ADAP2: variants seen among roughly 807,000 people sequenced by gnomAD.
The protein encoded by ADAP2 is arf-GAP with dual PH domain-containing protein 2.
Under a neutral mutation model 54.9 loss-of-function variants are expected in ADAP2, and 42 were observed. The observed-to-expected ratio is 0.77, with a 90% CI of 0.60 to 0.99. ADAP2 has a LOEUF of 0.99. ADAP2 is among the 50% of genes least tolerant of loss of function. The probability of loss-of-function intolerance (pLI) is 0.00; values close to 1 mark genes in which losing one functional copy is unlikely to be tolerated. For missense variants in ADAP2, 429 were observed against 480.4 expected (o/e 0.89, Z 1.00); for synonymous variants, 177 against 180.1 (o/e 0.98, Z 0.14).
chr17:30,957,703 T>C, intron 10 of ADAP2, 132 bp from the exon 11 acceptor site: 1 of 822,456 alleles, frequency 1.2e-6, no homozygotes, highest in Non-Finnish European at 2.0e-6. Flanking sequence ...AGTGCTGGGA[T>C]TACAGGCATG....
intron 7 of ADAP2, among the ~76,000 whole-genome samples, chr17:30,952,153 C>T (rs926737387): frequency 6.6e-6 from 1 of 152,078 alleles, no homozygotes; most frequent in Non-Finnish European, 1.5e-5. Flanking sequence ...CATCATCAAC[C>T]CCTGGAAACA....
At chr17:30,932,181 C>G (rs1911538891) in intron 4 of ADAP2, among the ~76,000 whole-genome samples, 1 of 150,338 alleles carries the variant, frequency 6.7e-6, no homozygotes, top group Admixed American at 6.6e-5. Context: ...CTCAGAGCTT[C>G]TATGGTCTTT....
intron 9 of ADAP2, 108 bp downstream of exon 9, chr17:30,954,663 G>T: frequency 2.1e-6 from 2 of 935,812 alleles, no homozygotes; most frequent in Middle Eastern, 2.4e-4. Flanking sequence ...CAGAGCCCCA[G>T]AGCTAGAGAA....
At chr17:30,930,054 T>TTATA (rs1250342318) in intron 3 of ADAP2, among the ~76,000 whole-genome samples, 1 of 145,384 alleles carries the variant, frequency 6.9e-6, no homozygotes. Flanking sequence ...CCTTATTTAT[T>TTATA]TATTTATTTA....
At chr17:30,926,071 C>T (rs1437561488) in intron 2 of ADAP2, among the ~76,000 whole-genome samples, 1 of 152,118 alleles carries the variant, frequency 6.6e-6, no homozygotes, top group African/African-American at 2.4e-5. Flanking sequence ...AAGGGTCACT[C>T]ATCAAATAAA....
chr17:30,933,647 G>A (rs796733223), intron 4 of ADAP2, among the ~76,000 whole-genome samples: 2 of 152,212 alleles, frequency 1.3e-5, no homozygotes, highest in African/African-American at 4.8e-5. Context: ...TTACAGGCAC[G>A]CGCCACCATG....
chr17:30,950,471 C>T (rs6505222), intron 7 of ADAP2, among the ~76,000 whole-genome samples: 24,971 of 152,092 alleles, frequency 0.16, 6,444 homozygotes, highest in African/African-American at 0.55. Context: ...GGTAAGATGG[C>T]GGTTAGTCCA....
chr17:30,930,879 T>G (rs1347954618), intron 3 of ADAP2, among the ~76,000 whole-genome samples: 1 of 152,248 alleles, frequency 6.6e-6, no homozygotes, highest in Non-Finnish European at 1.5e-5. Flanking sequence ...ATTAAACACC[T>G]ACTATGTGCT....
At chr17:30,937,475 G>A (rs1911974877) in intron 5 of ADAP2, among the ~76,000 whole-genome samples, 1 of 151,654 alleles carries the variant, frequency 6.6e-6, no homozygotes, top group African/African-American at 2.4e-5. Flanking sequence ...GCCCACCTCA[G>A]CCTCCCAAAA....
chr17:30,934,997 G>T (rs1911770303), intron 5 of ADAP2, among the ~76,000 whole-genome samples: 1 of 152,160 alleles, frequency 6.6e-6, no homozygotes, highest in Admixed American at 6.6e-5. Flanking sequence ...AGGCTGCATT[G>T]AGCCGAGATT....
chr17:30,940,480 T>G (rs1041685624), intron 5 of ADAP2, among the ~76,000 whole-genome samples: 2 of 152,084 alleles, frequency 1.3e-5, no homozygotes, highest in African/African-American at 4.8e-5. Flanking sequence ...AATTTTTGTA[T>G]TTTTAGTAGA....
At chr17:30,955,820 T>C (rs1905029044) in intron 9 of ADAP2, among the ~76,000 whole-genome samples, 1 of 151,034 alleles carries the variant, frequency 6.6e-6, no homozygotes, top group Non-Finnish European at 1.5e-5. Context: ...GCCTGGGAGG[T>C]TGAGGCTGGG....
rs1319081979 is a variant in ADAP2 at position 30,953,829 on chromosome 17, G to T, written c.804+479G>T. 4.6e-5 allele frequency among the ~76,000 whole-genome samples: 7 copies of T among 151,850 alleles called. No homozygotes were observed. In the South Asian group the frequency reaches 1.0e-3, roughly 23 times the overall value. On this transcript the variant is annotated intron_variant, in intron 8 of 10. Transcript: ENST00000330889. Reference sequence around the variant, plus strand: ...TGGGATTACAGGCATGAGCCACCATGCCCAGCCAAATTCGTGAACTTTCTT... The same window carrying T: ...TGGGATTACAGGCATGAGCCACCATTCCCAGCCAAATTCGTGAACTTTCTT...
In ADAP2 at chr17:30,923,264, C is replaced by CTT. The variant is rs375853030; in HGVS notation, c.225+211_225+212dup. Among the ~76,000 whole-genome samples, 236 of 135,096 alleles carry CTT rather than the reference C, an allele frequency of 1.7e-3. 1 individual carries two copies. Among genetic ancestry groups the CTT allele is most frequent in the African/African-American group, 5.7e-3 (204 of 35,830 alleles). 88.6% of individuals were successfully genotyped at this position (135,096 alleles called of 152,430 possible). A position where few individuals can be genotyped will look rare whatever the true frequency, so the allele number is the denominator to read the frequency against. ...AAATTCTGGCTCTATCATTTGCTTA[C>CTT]TTTTTTTTTTTTTTTTTTGAGACGG... On this transcript the variant is annotated intron_variant, in intron 2 of 10. Coordinates refer to ENST00000330889, the MANE Select transcript of ADAP2 (RefSeq NM_018404.3).
intron 6 of ADAP2, 32 bp downstream of exon 6, chr17:30,945,085 C>T (rs1254247050): frequency 6.2e-7 from 1 of 1,609,834 alleles, no homozygotes; most frequent in Non-Finnish European, 8.5e-7. Context: ...CCTCCGCCTC[C>T]AGCTCGCACC....
intron 2 of ADAP2, among the ~76,000 whole-genome samples, 177 bp downstream of exon 2, chr17:30,923,247 G>T (rs1368532934): frequency 6.6e-6 from 1 of 151,214 alleles, no homozygotes. Context: ...TCAAATTCTG[G>T]CTCTATCATT....
At position 30,935,399 on chromosome 17, in the gene ADAP2, G is replaced by A. The variant is rs148042862; in HGVS notation, c.510+1102G>A. 2.6e-5 allele frequency among the ~76,000 whole-genome samples: 4 copies of A among 152,212 alleles called. No homozygotes were observed. The East Asian group carries it at 7.7e-4, about 29-fold the overall frequency. On this transcript the variant is annotated intron_variant, in intron 5 of 10. Transcript: ENST00000330889. ...AAAAAGAAGTAAAATAGCGGAGAGT[G>A]AGAAGATAGACAACAATGAGAGTGT... is the stretch of plus-strand genomic sequence containing the variant.
At chr17:30,952,421 A>T (rs530472491) in intron 7 of ADAP2, among the ~76,000 whole-genome samples, 1 of 151,932 alleles carries the variant, frequency 6.6e-6, no homozygotes, top group Non-Finnish European at 1.5e-5. Context: ...TGTCACCCAG[A>T]CTGGAGTGCA....
intron 2 of ADAP2, among the ~76,000 whole-genome samples, chr17:30,923,896 G>A (rs1794013207): frequency 6.6e-6 from 1 of 151,494 alleles, no homozygotes; most frequent in Non-Finnish European, 1.5e-5. Flanking sequence ...CAGAGACGGG[G>A]TTTTGCCATG....
Sources: allele counts gnomAD v4.1 joint callset (sites outside exome capture counted in the v4.1 genomes callset), GRCh38; gene constraint gnomAD v4.1.1; transcripts MANE v1.5; gene names NCBI Gene and HGNC (gene_info 2026-07-23, HGNC 2026-07-21).